FAM193A: variants seen among roughly 807,000 people sequenced by gnomAD.
The protein encoded by FAM193A is family with sequence similarity 193 member A, also known as protein FAM193A.
FAM193A carries 22 observed loss-of-function variants against 126.5 expected under a neutral mutation model. The observed-to-expected ratio is 0.17, with a 90% CI of 0.12 to 0.25. The LOEUF is 0.25. Ranked by LOEUF, FAM193A falls within the 10% of genes least tolerant of loss-of-function variation. The pLI is 1.00. For missense variants in FAM193A, 1,675 were observed against 1,672.8 expected (o/e 1.00, Z -0.02); for synonymous variants, 761 against 646.8 (o/e 1.18, Z -2.68).
chr4:2,627,575 CT>C (rs753783682), intron 4 of FAM193A, among the ~76,000 whole-genome samples: 6,493 of 63,624 alleles, frequency 0.1, 100 homozygotes, highest in African/African-American at 0.15. Flanking sequence ...ATTTGGGAGG[CT>C]TTTTTTTTTT....
chr4:2,659,621 T>C lies in FAM193A; in HGVS notation c.1453T>C (p.Ser485Pro), dbSNP rs1712157587. The C allele has an allele frequency of 1.2e-6, 2 of 1,614,184 alleles. No homozygotes were observed. Among genetic ancestry groups the C allele is most frequent in the Admixed American group, 1.7e-5 (1 of 60,016 alleles). Reference sequence around the variant, plus strand: ...CACAGACACCATGAGGCACATGTTATCGTCCCGGCTGAGCATGCCCGACTG... The same window carrying C: ...CACAGACACCATGAGGCACATGTTACCGTCCCGGCTGAGCATGCCCGACTG... ...NFTDTMRHML[S>P]SRLSMPDCPN... Residue 485 changes from serine to proline, a missense_variant, in exon 9 of 21, where the codon TCG becomes CCG. By Grantham distance (74) the Ser-to-Pro change is moderately conservative. Around this residue, in one of 4 missense-constraint regions of FAM193A, gnomAD observed 1,186 missense variants for 1,109.2 expected, o/e 1.07. Transcript: ENST00000637812.
At chr4:2,710,395 C>A (rs11726971) in intron 19 of FAM193A, among the ~76,000 whole-genome samples, 1 of 151,822 alleles carries the variant, frequency 6.6e-6, no homozygotes, top group African/African-American at 2.4e-5. Flanking sequence ...GGATGGTCTC[C>A]ATCTCCTGAC....
rs146903079 is a variant in FAM193A, at chr4:2,648,150, A to G, written c.1311+1318A>G. ...ATTCTTCTGCATTCTCAGCCTCCCA[A>G]AGTACTGGGATTACATTTGTGAGCC... On this transcript the variant is annotated intron_variant, in intron 7 of 20. Transcript: ENST00000637812. 4.5e-3 allele frequency among the ~76,000 whole-genome samples: 680 copies of G among 152,230 alleles called. 3 individuals carry two copies. Among genetic ancestry groups the G allele is most frequent in the Non-Finnish European group, 7.9e-3 (540 of 67,992 alleles).
At chr4:2,721,456 C>T (rs1720147497) in intron 20 of FAM193A, among the ~76,000 whole-genome samples, 1 of 152,100 alleles carries the variant, frequency 6.6e-6, no homozygotes. Flanking sequence ...CCACCTCACT[C>T]CAGCCTAAGC....
intron 13 of FAM193A, among the ~76,000 whole-genome samples, chr4:2,687,239 A>G (rs1715842941): frequency 6.6e-6 from 1 of 151,720 alleles, no homozygotes; most frequent in Non-Finnish European, 1.5e-5. Flanking sequence ...GTGTCCAGGG[A>G]CTCTATGTCT....
intron 1 of FAM193A, among the ~76,000 whole-genome samples, chr4:2,570,557 T>C (rs545211409): frequency 1.3e-5 from 2 of 152,292 alleles, no homozygotes; most frequent in East Asian, 1.9e-4. Context: ...TCTTTCGTTA[T>C]AGGACACAGC....
chr4:2,631,582 GGCTGTA>G (rs1420626967), intron 5 of FAM193A, among the ~76,000 whole-genome samples: 2 of 152,214 alleles, frequency 1.3e-5, no homozygotes, highest in African/African-American at 4.8e-5. Context: ...AGAGCATGAA[GGCTGTA>G]GAGAACAGCT....
intron 5 of FAM193A, among the ~76,000 whole-genome samples, chr4:2,632,399 A>G (rs1001871581): frequency 6.6e-6 from 1 of 152,060 alleles, no homozygotes; most frequent in East Asian, 1.9e-4. Flanking sequence ...GACCCCACCT[A>G]TACCAAAAAA....
intron 1 of FAM193A, among the ~76,000 whole-genome samples, chr4:2,565,067 G>A (rs1738853854): frequency 6.6e-6 from 1 of 151,990 alleles, no homozygotes; most frequent in South Asian, 2.1e-4. Flanking sequence ...CCAAAGTACT[G>A]GGGGAGTATA....
At chr4:2,571,431 G>T (rs1194803677) in intron 1 of FAM193A, among the ~76,000 whole-genome samples, 1 of 152,098 alleles carries the variant, frequency 6.6e-6, no homozygotes, top group African/African-American at 2.4e-5. Flanking sequence ...ATTTAGATTT[G>T]TACTAGGGTT....
At chr4:2,709,182 T>G (rs920971076) in intron 19 of FAM193A, among the ~76,000 whole-genome samples, 6 of 152,228 alleles carry the variant, frequency 3.9e-5, no homozygotes, top group East Asian at 1.9e-4. Flanking sequence ...TCTCCTTAGA[T>G]GTATTAATAC....
At chr4:2,712,775 T>C (rs1577256814) in intron 19 of FAM193A, among the ~76,000 whole-genome samples, 1 of 152,076 alleles carries the variant, frequency 6.6e-6, no homozygotes, top group African/African-American at 2.4e-5. Context: ...TTTTTTAAAA[T>C]GTGTTGTGGG....
At chr4:2,559,669 G>C (rs1002871325) in intron 1 of FAM193A, among the ~76,000 whole-genome samples, 3 of 152,192 alleles carry the variant, frequency 2.0e-5, no homozygotes, top group Admixed American at 1.3e-4. Context: ...AACACACTCT[G>C]CTGCTTCCTC....
intron 13 of FAM193A, among the ~76,000 whole-genome samples, chr4:2,678,360 G>GTGT (rs766504170): frequency 1.4e-4 from 17 of 120,168 alleles, no homozygotes; most frequent in African/African-American, 5.5e-4. Flanking sequence ...GGTTTTGGTG[G>GTGT]TTTTTTTTTT....
At chr4:2,690,578 G>A (rs1716256897) in intron 14 of FAM193A, 120 bp from the exon 15 acceptor site, 1 of 885,878 alleles carries the variant, frequency 1.1e-6, no homozygotes, top group East Asian at 2.6e-5. Context: ...TGTCATCCCA[G>A]TGGGATCCTG....
intron 1 of FAM193A, among the ~76,000 whole-genome samples, chr4:2,547,787 G>A (rs1051469731): frequency 6.6e-6 from 1 of 151,510 alleles, no homozygotes; most frequent in Non-Finnish European, 1.5e-5. Context: ...CACCACACCT[G>A]GCTAATTTTG....
At chr4:2,638,467 G>A (rs2109022528) in intron 5 of FAM193A, among the ~76,000 whole-genome samples, 1 of 152,312 alleles carries the variant, frequency 6.6e-6, no homozygotes, top group East Asian at 1.9e-4. Flanking sequence ...ATAATGCTTG[G>A]TGTGAAACAG....
chr4:2,544,981 C>T (rs1737458280), intron 1 of FAM193A, among the ~76,000 whole-genome samples: 1 of 151,810 alleles, frequency 6.6e-6, no homozygotes, highest in Non-Finnish European at 1.5e-5. Context: ...AGGATTTTGA[C>T]TTTGAATTTC....
intron 12 of FAM193A, 132 bp downstream of exon 12, chr4:2,663,420 G>A: frequency 1.5e-6 from 1 of 647,812 alleles, no homozygotes. Flanking sequence ...GAGAGTCAAG[G>A]CATACTTACA....
Sources: gnomAD v4.1 joint callset for allele counts (sites outside exome capture counted in the v4.1 genomes callset) on GRCh38, gnomAD v4.1.1 for gene constraint, gnomAD v4.1.1 regional missense constraint, MANE v1.5 for transcripts, NCBI Gene and HGNC (gene_info 2026-07-23, HGNC 2026-07-21) for gene names.